The following RBM11 variants were observed in gnomAD, a reference collection of about 807,000 sequenced individuals.
RBM11 encodes the protein RNA binding motif protein 11.
Under a neutral mutation model 21.4 loss-of-function variants are expected in RBM11, and 18 were observed. That is an observed-to-expected ratio of 0.84 (90% CI 0.58 to 1.25). RBM11 has a LOEUF of 1.25. RBM11 is among the 50% of genes most tolerant of loss of function. The probability of loss-of-function intolerance (pLI) is 0.00; values close to 1 mark genes in which losing one functional copy is unlikely to be tolerated. For synonymous variants in RBM11, 120 were observed against 116.3 expected (o/e 1.03, Z -0.20); for missense variants, 294 against 331.9 (o/e 0.89, Z 0.89).
Position 14,220,964 on chromosome 21 carries a change from T to C in RBM11, c.260-133T>C, listed in dbSNP as rs969082342. ...TATGATTTGAGAGGTCAGATATGCA[T>C]ATATCTTCTCTGAGTACAGAATTTT... On this transcript the variant is annotated intron_variant, in intron 2 of 4. Transcript: ENST00000400577. The C allele has an allele frequency of 1.2e-4, 98 of 788,990 alleles. No individual in the cohort carries two copies. The African/African-American group carries it at 1.4e-3, about 11-fold the overall frequency. 48.9% of individuals were successfully genotyped at this position (788,990 alleles called of 1,614,324 possible).
intron 4 of RBM11, 163 bp from the exon 5 acceptor site, chr21:14,226,717 T>C (rs770002670): frequency 3.6e-5 from 33 of 915,162 alleles, no homozygotes; most frequent in Non-Finnish European, 5.0e-5. Flanking sequence ...ATATTGACCC[T>C]TTAATGAAAC....
intron 4 of RBM11, 98 bp downstream of exon 4, chr21:14,224,635 G>C: frequency 1.4e-6 from 2 of 1,437,146 alleles, no homozygotes; most frequent in Admixed American, 5.3e-5. Context: ...TCTAAACTGG[G>C]ATGAAGGCAC....
chr21:14,224,312 CATGTGATTCCTCT>C, intron 3 of RBM11, 113 bp from the exon 4 acceptor site: 1 of 1,353,002 alleles, frequency 7.4e-7, no homozygotes, highest in South Asian at 1.6e-5. Flanking sequence ...TCTGAATTTA[CATGTGATTCCTCT>C]ATGCAGACAA....
At chr21:14,224,733 G>GGTGTC (rs1978954767) in intron 4 of RBM11, among the ~76,000 whole-genome samples, 196 bp downstream of exon 4, 1 of 152,124 alleles carries the variant, frequency 6.6e-6, no homozygotes, top group African/African-American at 2.4e-5. Context: ...AAATGGCCAG[G>GGTGTC]GTGTCAACAG....
intron 3 of RBM11, 182 bp downstream of exon 3, chr21:14,221,351 C>G: frequency 1.3e-6 from 1 of 776,838 alleles, no homozygotes; most frequent in East Asian, 3.3e-5. Context: ...AAAATTCAGT[C>G]TTAATATTTT....
At chr21:14,225,484 A>C (rs1427099366) in intron 4 of RBM11, among the ~76,000 whole-genome samples, 1 of 152,168 alleles carries the variant, frequency 6.6e-6, no homozygotes, top group Non-Finnish European at 1.5e-5. Flanking sequence ...GTTAATCTAC[A>C]GTCCCAAGAT....
At chr21:14,221,620 C>T (rs79593253) in intron 3 of RBM11, among the ~76,000 whole-genome samples, 1,744 of 152,208 alleles carry the variant, frequency 0.011, 13 homozygotes, top group Non-Finnish European at 0.018. Context: ...GAAATAACTT[C>T]TCTGTGTTAA....
intron 4 of RBM11, 150 bp downstream of exon 4, chr21:14,224,687 C>T: frequency 2.5e-6 from 3 of 1,195,360 alleles, no homozygotes; most frequent in Non-Finnish European, 2.2e-6. Flanking sequence ...CCTGGCCTAA[C>T]ACCATCATCC....
rs776792468 is a variant in RBM11 at position 14,224,480 on chromosome 21, G to A, written c.375G>A (p.Gln125=). The change falls in exon 4 of 5, where the codon CAG becomes CAA. Residue 125 remains glutamine (Q), a synonymous_variant. Transcript: ENST00000400577. ...TGGGCAGATCTTCCTTTCCCATGCAGTATTTTCCAATTAATAATACTTCTT... is the reference window on the plus strand; with the variant it reads ...TGGGCAGATCTTCCTTTCCCATGCAATATTTTCCAATTAATAATACTTCTT... ...MLVGRSSFPM[Q]YFPINNTSLP... The A allele has an allele frequency of 1.3e-6, 2 of 1,562,924 alleles. No homozygotes were observed. The highest frequency in any genetic ancestry group is 1.4e-5 in the African/African-American group (1 of 73,692).
chr21:14,217,124 C>G (rs2020463828), intron 1 of RBM11, among the ~76,000 whole-genome samples: 1 of 152,190 alleles, frequency 6.6e-6, no homozygotes, highest in Admixed American at 6.5e-5. Flanking sequence ...GTTCCGCGTG[C>G]GAACTCTGAG....
At chr21:14,218,314 G>T (rs1201213782) in intron 1 of RBM11, among the ~76,000 whole-genome samples, 8 of 151,970 alleles carry the variant, frequency 5.3e-5, no homozygotes, top group Non-Finnish European at 1.2e-4. Flanking sequence ...TTATATTACA[G>T]TATATTTATC....
At chr21:14,223,344 G>A (rs1192387124) in intron 3 of RBM11, among the ~76,000 whole-genome samples, 1 of 152,104 alleles carries the variant, frequency 6.6e-6, no homozygotes. Context: ...TATGCTTCTT[G>A]TTGTTTCTTG....
chr21:14,226,864 T>G lies in RBM11; in HGVS notation c.433-16T>G. 4 of 1,585,904 alleles carry G rather than the reference T, an allele frequency of 2.5e-6. No individual in the cohort carries two copies. Among genetic ancestry groups the G allele is most frequent in the Non-Finnish European group, 3.4e-6 (4 of 1,166,602 alleles). On this transcript the variant is annotated splice_polypyrimidine_tract_variant and intron_variant, in intron 4 of 4. Coordinates refer to ENST00000400577, the MANE Select transcript of RBM11 (RefSeq NM_144770.5). ...TTTTGGATTTGTTTTGGTAGATGAA[T>G]GTCTTGTTTTCACAGCAGTGGCATG...
At chr21:14,225,980 A>C (rs1979054185) in intron 4 of RBM11, among the ~76,000 whole-genome samples, 1 of 152,056 alleles carries the variant, frequency 6.6e-6, no homozygotes. Flanking sequence ...ATTTAAATTA[A>C]AATTTAAAAC....
At chr21:14,220,242 A>G (rs963513336) in intron 2 of RBM11, among the ~76,000 whole-genome samples, 1 of 152,160 alleles carries the variant, frequency 6.6e-6, no homozygotes, top group African/African-American at 2.4e-5. Context: ...TAGTGGCGGA[A>G]AAAACTTCCT....
chr21:14,218,407 A>G (rs903151641), intron 1 of RBM11, among the ~76,000 whole-genome samples: 2 of 152,154 alleles, frequency 1.3e-5, no homozygotes, highest in Admixed American at 6.6e-5. Flanking sequence ...TTAATACTAG[A>G]GTTGAGATTT....
At chr21:14,224,029 T>C (rs1600964089) in intron 3 of RBM11, among the ~76,000 whole-genome samples, 1 of 151,964 alleles carries the variant, frequency 6.6e-6, no homozygotes, top group African/African-American at 2.4e-5. Context: ...ACAAACAGAG[T>C]ACCTGTTTGT....
chr21:14,225,127 G>C (rs1403168492), intron 4 of RBM11, among the ~76,000 whole-genome samples: 1 of 152,020 alleles, frequency 6.6e-6, no homozygotes, highest in Non-Finnish European at 1.5e-5. Context: ...AAAAAAAGAT[G>C]TTTGCAGAAT....
In RBM11 at chr21:14,216,230, G is replaced by A; in HGVS notation, c.44G>A (p.Gly15Glu). 6.2e-7 allele frequency: 1 copy of A among 1,613,882 alleles called. No individual in the cohort carries two copies. The highest frequency in any genetic ancestry group is 8.5e-7 in the Non-Finnish European group (1 of 1,179,834). ...QEEADRTVFV[G>E]NLEARVREEI... is the part of the protein sequence containing the mutation. The stretch of plus-strand genomic sequence containing the variant: ...GAGGCCGACAGGACCGTGTTTGTTG[G>A]GAATTTAGAGGCCCGAGTTCGGGAA... Residue 15 changes from glycine to glutamate, a missense_variant, in exon 1 of 5, where the codon GGG becomes GAG. Physicochemically the swap from Gly to Glu is moderately conservative, Grantham distance 98 (BLOSUM62 -2). Around this residue, in one of 2 missense-constraint regions of RBM11, gnomAD observed 181 missense variants for 164.6 expected, o/e 1.10. Coordinates refer to ENST00000400577, the MANE Select transcript of RBM11 (RefSeq NM_144770.5).
Sources: allele counts gnomAD v4.1 joint callset (sites outside exome capture counted in the v4.1 genomes callset), GRCh38; gene constraint gnomAD v4.1.1; regional missense constraint gnomAD v4.1.1; transcripts MANE v1.5; gene names NCBI Gene and HGNC (gene_info 2026-07-23, HGNC 2026-07-21).